Variants in PCNX1 observed in about 807,000 individuals in gnomAD.
The protein encoded by PCNX1 is pecanex 1, also known as pecanex-like protein 1.
PCNX1 carries 78 observed loss-of-function variants against 242.2 expected under a neutral mutation model. The observed-to-expected ratio is 0.32, with a 90% CI of 0.27 to 0.39. PCNX1 has a LOEUF of 0.39. Among genes scored for constraint, PCNX1 ranks in the 10% least tolerant of loss-of-function variants. PCNX1 has a pLI of 1.00. For missense variants in PCNX1, 2,581 were observed against 2,856.5 expected (o/e 0.90, Z 2.20); for synonymous variants, 1,024 against 1,032.9 (o/e 0.99, Z 0.17).
At chr14:70,983,711 T>C (rs1032754399) in intron 6 of PCNX1, among the ~76,000 whole-genome samples, 1 of 151,632 alleles carries the variant, frequency 6.6e-6, no homozygotes, top group South Asian at 2.1e-4. Context: ...TCAGAATTGA[T>C]GCTTAGAAAT....
intron 18 of PCNX1, 42 bp downstream of exon 18, chr14:71,034,078 T>C (rs2060464682): frequency 9.4e-7 from 1 of 1,062,266 alleles, no homozygotes; most frequent in African/African-American, 1.6e-5. Context: ...ACTTAAATCT[T>C]AGACAGTTGA....
At chr14:71,105,533 C>A in intron 33 of PCNX1, 93 bp downstream of exon 33, 3 of 920,486 alleles carry the variant, frequency 3.3e-6, no homozygotes, top group Non-Finnish European at 5.0e-6. Context: ...ATGTGGTCCA[C>A]TTGGAAATTC....
chr14:71,075,885 C>CTAAA (rs1055893088), intron 27 of PCNX1, among the ~76,000 whole-genome samples: 1 of 151,224 alleles, frequency 6.6e-6, no homozygotes, highest in Non-Finnish European at 1.5e-5. Flanking sequence ...GACTCTGTCT[C>CTAAA]TAAATAAATA....
chr14:70,994,118 T>C (rs1029182861), intron 7 of PCNX1, among the ~76,000 whole-genome samples: 4 of 152,070 alleles, frequency 2.6e-5, no homozygotes, highest in African/African-American at 4.8e-5. Context: ...ATGTGTACTT[T>C]TCATTGGTGA....
rs2055616223 is a variant in PCNX1, at chr14:70,907,638, G to C, written c.-213G>C. On this transcript the variant is annotated 5_prime_UTR_variant, in exon 1 of 36. Coordinates refer to ENST00000304743, the MANE Select transcript of PCNX1 (RefSeq NM_014982.3). ...TCCGCCGTCCTCCGCCCCGCCGCTC[G>C]CCGCCTCCTCCTCTCGGGTCTCCTC... 5 of 360,176 alleles carry C rather than the reference G, an allele frequency of 1.4e-5. No homozygotes were observed. Among genetic ancestry groups the C allele is most frequent in the Non-Finnish European group, 1.7e-5 (4 of 231,090 alleles). The allele number at this position is 360,176 out of a possible 1,614,324, so 22.3% of individuals were successfully genotyped here.
At chr14:71,039,237 A>T (rs1046280095) in intron 19 of PCNX1, among the ~76,000 whole-genome samples, 1 of 151,890 alleles carries the variant, frequency 6.6e-6, no homozygotes, top group African/African-American at 2.4e-5. Flanking sequence ...AAAAAAAATT[A>T]AAAAAACAAA....
Position 70,910,562 on chromosome 14 carries a change from C to T in PCNX1, c.153+2559C>T, listed in dbSNP as rs1489662227. Among the ~76,000 whole-genome samples the T allele has an allele frequency of 2.0e-5, 3 of 152,140 alleles. No homozygotes were observed. The East Asian group carries it at 5.8e-4, about 30-fold the overall frequency. Reference sequence around the variant, plus strand: ...TCCAGATACCTGTGTGGCTGCTCCACTTTTTGCAGGTTCTCATATACGTGA... The same window carrying T: ...TCCAGATACCTGTGTGGCTGCTCCATTTTTTGCAGGTTCTCATATACGTGA... On this transcript the variant is annotated intron_variant, in intron 1 of 35. Coordinates refer to ENST00000304743, the MANE Select transcript of PCNX1 (RefSeq NM_014982.3).
At chr14:71,068,097 C>T (rs1046081214) in intron 26 of PCNX1, among the ~76,000 whole-genome samples, 2 of 151,848 alleles carry the variant, frequency 1.3e-5, no homozygotes, top group Non-Finnish European at 2.9e-5. Flanking sequence ...GAGGCCTAGG[C>T]GGGTGGATCA....
chr14:70,999,966 A>G (rs1239369625), intron 8 of PCNX1, among the ~76,000 whole-genome samples: 2 of 152,160 alleles, frequency 1.3e-5, no homozygotes, highest in African/African-American at 4.8e-5. Flanking sequence ...TTAATATGTC[A>G]GTTCCTTATG....
chr14:71,056,589 A>G (rs1211215031), intron 25 of PCNX1, among the ~76,000 whole-genome samples: 1 of 152,212 alleles, frequency 6.6e-6, no homozygotes, highest in Non-Finnish European at 1.5e-5. Context: ...TGCTTGGGGC[A>G]TGCATTTACA....
rs757796595 is a variant in PCNX1 at position 70,988,603 on chromosome 14, G to C, written c.2348G>C (p.Arg783Pro). 1.1e-5 allele frequency: 17 copies of C among 1,613,976 alleles called. No homozygotes were observed. The East Asian group carries it at 3.6e-4, about 34-fold the overall frequency. ...QASEEAVSFR[R>P]ERSTFRRQAV... Reference sequence around the variant, plus strand: ...AGCGAGGAGGCAGTGTCATTTCGCCGTGAACGCAGCACATTTAGGCGCCAG... The same window carrying C: ...AGCGAGGAGGCAGTGTCATTTCGCCCTGAACGCAGCACATTTAGGCGCCAG... Residue 783 changes from arginine to proline, a missense_variant, in exon 7 of 36, where the codon CGT (arginine) becomes CCT (proline). Coordinates refer to ENST00000304743, the MANE Select transcript of PCNX1 (RefSeq NM_014982.3).
At position 70,996,028 on chromosome 14, in the gene PCNX1, T is replaced by C. The variant is rs2059340775; in HGVS notation, c.2629+103T>C. The C allele has an allele frequency of 1.1e-5, 9 of 854,180 alleles. No homozygotes were observed. The South Asian group carries it at 1.4e-4, about 13-fold the overall frequency. The allele number at this position is 854,180 out of a possible 1,614,324, so 52.9% of individuals were successfully genotyped here. A position where few individuals can be genotyped will look rare whatever the true frequency, so the allele number is the denominator to read the frequency against. ...TTGAGATAGTTTCATTTTGGAACTA[T>C]GCATAGGAGCACTTTTTACATAGGA... On this transcript the variant is annotated intron_variant, in intron 8 of 35. Coordinates refer to ENST00000304743, the MANE Select transcript of PCNX1 (RefSeq NM_014982.3).
chr14:70,941,753 C>T lies in PCNX1; in HGVS notation c.154-5162C>T, dbSNP rs10144526. Among the ~76,000 whole-genome samples, 1,282 of 152,324 alleles carry T rather than the reference C, an allele frequency of 8.4e-3. 10 individuals carry two copies. The highest frequency in any genetic ancestry group is 0.029 in the African/African-American group (1,207 of 41,566). On this transcript the variant is annotated intron_variant, in intron 1 of 35. Coordinates refer to ENST00000304743, the MANE Select transcript of PCNX1 (RefSeq NM_014982.3). ...GGTGGATTCTACAGAGGCAGGCAGG[C>T]CTCCTTGAGCTGCGGTGAGCTTCAC...
intron 15 of PCNX1, chr14:71,027,285 G>A (rs1249468837): frequency 6.6e-6 from 1 of 152,442 alleles, no homozygotes; most frequent in Non-Finnish European, 1.5e-5. Flanking sequence ...TTCATATTTG[G>A]TTTCAGAGCC....
chr14:71,084,007 A>ATGC, intron 28 of PCNX1, among the ~76,000 whole-genome samples: 1 of 152,148 alleles, frequency 6.6e-6, no homozygotes, highest in Admixed American at 6.5e-5. Flanking sequence ...TTGGTCTTTG[A>ATGC]TGCTGGTGAC....
In PCNX1 at chr14:71,088,337, A is replaced by T. The variant is rs2062044959; in HGVS notation, c.5345A>T (p.Asp1782Val). Reference protein sequence around the residue: ...YCSSRRAKPVDVDKDSSLVTL... With the variant: ...YCSSRRAKPVVVDKDSSLVTL... ...TTTTTTGTTTTTTTAAAGCCTGTGG[A>T]TGTGGACAAAGATTCATCCCTAGTG... Residue 1782 changes from aspartate (D) to valine (V), a missense_variant, in exon 29 of 36, where the codon GAT (aspartate) becomes GTT (valine). Physicochemically the swap from Asp to Val is radical, Grantham distance 152. Transcript: ENST00000304743. 1 of 1,602,650 alleles carries T rather than the reference A, an allele frequency of 6.2e-7. No individual in the cohort carries two copies. Among genetic ancestry groups the T allele is most frequent in the Admixed American group, 1.7e-5 (1 of 59,940 alleles).
At chr14:71,022,067 A>T (rs1416175540) in intron 12 of PCNX1, among the ~76,000 whole-genome samples, 1 of 152,108 alleles carries the variant, frequency 6.6e-6, no homozygotes, top group African/African-American at 2.4e-5. Context: ...TCTCCTGGTT[A>T]ATTTTTCTTT....
intron 33 of PCNX1, among the ~76,000 whole-genome samples, chr14:71,105,744 T>A (rs961332727): frequency 6.6e-6 from 1 of 151,778 alleles, no homozygotes; most frequent in Non-Finnish European, 1.5e-5. Context: ...GGTTTCACCA[T>A]GTTAGCCAGG....
chr14:71,082,825 T>G (rs964460562), intron 28 of PCNX1, among the ~76,000 whole-genome samples: 1 of 152,224 alleles, frequency 6.6e-6, no homozygotes, highest in African/African-American at 2.4e-5. Flanking sequence ...GTCTTTTAAT[T>G]GGGGCATTTA....
Sources: allele counts gnomAD v4.1 joint callset (sites outside exome capture counted in the v4.1 genomes callset), GRCh38; gene constraint gnomAD v4.1.1; transcripts MANE v1.5; gene names NCBI Gene and HGNC (gene_info 2026-07-23, HGNC 2026-07-21).